GALNT17: variants seen among roughly 807,000 people sequenced by gnomAD.
GALNT17 encodes UDP-GalNAc:polypeptide N-acetylgalactosaminyltransferase-like 3.
GALNT17 carries 29 observed loss-of-function variants against 63.7 expected under a neutral mutation model. The observed-to-expected ratio is 0.46, with a 90% CI of 0.34 to 0.62. GALNT17 has a LOEUF of 0.62. Among genes scored for constraint, GALNT17 ranks in the 20% least tolerant of loss-of-function variants. The pLI is 0.01. For synonymous variants in GALNT17, 305 were observed against 318.3 expected (o/e 0.96, Z 0.45); for missense variants, 603 against 799.6 (o/e 0.75, Z 2.97).
chr7:71,377,114 A>AAAAAATATATATATATATATATATATAT, intron 2 of GALNT17, among the ~76,000 whole-genome samples: 3 of 57,466 alleles, frequency 5.2e-5, no homozygotes, highest in East Asian at 9.3e-4. Context: ...AAATAAAAAA[A>AAAAAATATATATATATATATATATATAT]ATATATATAT....
At chr7:71,597,104 C>A (rs1789897712) in intron 6 of GALNT17, among the ~76,000 whole-genome samples, 1 of 152,012 alleles carries the variant, frequency 6.6e-6, no homozygotes, top group African/African-American at 2.4e-5. Flanking sequence ...GTGGTGCGAT[C>A]TCAGCTCACT....
At chr7:71,356,427 G>T (rs1792286813) in intron 2 of GALNT17, among the ~76,000 whole-genome samples, 1 of 152,138 alleles carries the variant, frequency 6.6e-6, no homozygotes, top group South Asian at 2.1e-4. Flanking sequence ...AGTTCTACAG[G>T]CTATACAAGC....
chr7:71,410,452 G>A (rs545182222), intron 3 of GALNT17, among the ~76,000 whole-genome samples: 210 of 152,106 alleles, frequency 1.4e-3, no homozygotes, highest in Non-Finnish European at 8.4e-4. Context: ...CACCACGTTG[G>A]CCAGGCTGGT....
At chr7:71,622,821 G>T (rs1790316222) in intron 6 of GALNT17, among the ~76,000 whole-genome samples, 1 of 152,170 alleles carries the variant, frequency 6.6e-6, no homozygotes, top group Admixed American at 6.5e-5. Flanking sequence ...CAGGAAGTTG[G>T]CAATAGTGCT....
rs760932182 is a variant in GALNT17, at chr7:71,686,385, G to T, written c.1500+9079G>T. On this transcript the variant is annotated intron_variant, in intron 9 of 10. Coordinates refer to ENST00000333538, the MANE Select transcript of GALNT17 (RefSeq NM_022479.3). ...TCTGCCCACATATACTTTTTAAAAAGATTTATTTTGTTAGAGACAGCATCT... is the reference window on the plus strand; with the variant it reads ...TCTGCCCACATATACTTTTTAAAAATATTTATTTTGTTAGAGACAGCATCT... 5.7e-4 allele frequency among the ~76,000 whole-genome samples: 86 copies of T among 150,628 alleles called. 2 individuals carry two copies. The highest frequency in any genetic ancestry group is 2.8e-4 in the Non-Finnish European group (19 of 67,670).
At chr7:71,692,542 C>T (rs1318174006) in intron 9 of GALNT17, among the ~76,000 whole-genome samples, 1 of 151,934 alleles carries the variant, frequency 6.6e-6, no homozygotes, top group African/African-American at 2.4e-5. Context: ...TAGCCTCATC[C>T]CTGACTGCTT....
chr7:71,307,650 A>C (rs750269005), intron 1 of GALNT17: 5 of 152,738 alleles, frequency 3.3e-5, no homozygotes, highest in Non-Finnish European at 7.4e-5. Flanking sequence ...TGCTCCGTTA[A>C]GACCTGTCTC....
intron 3 of GALNT17, among the ~76,000 whole-genome samples, chr7:71,399,532 C>T (rs185466274): frequency 2.0e-5 from 3 of 152,224 alleles, no homozygotes; most frequent in African/African-American, 2.4e-5. Context: ...CTTGCATTTC[C>T]TCTGGCTTTG....
Position 71,335,579 on chromosome 7 carries a change from G to A in GALNT17, c.268G>A (p.Gly90Ser). The A allele has an allele frequency of 6.2e-7, 1 of 1,607,928 alleles. No individual in the cohort carries two copies. The highest frequency in any genetic ancestry group is 8.5e-7 in the Non-Finnish European group (1 of 1,177,562). Residue 90 changes from glycine (G) to serine (S), a missense_variant, in exon 2 of 11, where the codon GGT becomes AGT. Around this residue, in one of 3 missense-constraint regions of GALNT17, gnomAD observed 195 missense variants for 215.0 expected, o/e 0.91. Coordinates refer to ENST00000333538, the MANE Select transcript of GALNT17 (RefSeq NM_022479.3). ...GLSKSLGLIE[G>S]YGGRGKGGLP... is the part of the protein sequence containing the mutation. ...ATCCAAATCCCTTGGGCTCATTGAAGGTTATGGTGGGCGGGGTAAAGGGGG... is the reference window on the plus strand; with the variant it reads ...ATCCAAATCCCTTGGGCTCATTGAAAGTTATGGTGGGCGGGGTAAAGGGGG...
chr7:71,487,832 A>G (rs1047478099), intron 5 of GALNT17, among the ~76,000 whole-genome samples: 4 of 152,178 alleles, frequency 2.6e-5, no homozygotes, highest in Non-Finnish European at 5.9e-5. Flanking sequence ...GTACTGGCCT[A>G]GTTGTGAAAT....
At chr7:71,244,738 C>T (rs1270148810) in intron 1 of GALNT17, among the ~76,000 whole-genome samples, 1 of 152,060 alleles carries the variant, frequency 6.6e-6, no homozygotes, top group Admixed American at 6.6e-5. Flanking sequence ...CATTTAAGGC[C>T]AGGAACTGGA....
intron 1 of GALNT17, among the ~76,000 whole-genome samples, chr7:71,164,696 A>AGT (rs1339845624): frequency 3.3e-5 from 5 of 152,062 alleles, no homozygotes; most frequent in East Asian, 1.9e-4. Context: ...TAACCTGGTG[A>AGT]GTGTGTGTGT....
Position 71,603,088 on chromosome 7 carries a change from A to G in GALNT17, c.1080+31686A>G, listed in dbSNP as rs554034485. On this transcript the variant is annotated intron_variant, in intron 6 of 10. Coordinates refer to ENST00000333538, the MANE Select transcript of GALNT17 (RefSeq NM_022479.3). ...ACTATGCTAAGTGCATACACCAGGTACTATGCTAAGTGCATATACCAGATA... is the reference window on the plus strand; with the variant it reads ...ACTATGCTAAGTGCATACACCAGGTGCTATGCTAAGTGCATATACCAGATA... Among the ~76,000 whole-genome samples the G allele has an allele frequency of 1.7e-3, 262 of 152,206 alleles. 3 individuals carry two copies. The highest frequency in any genetic ancestry group is 6.1e-3 in the African/African-American group (253 of 41,506).
intron 5 of GALNT17, among the ~76,000 whole-genome samples, chr7:71,427,759 A>G (rs565745867): frequency 2.0e-5 from 3 of 152,094 alleles, no homozygotes; most frequent in Admixed American, 2.0e-4. Context: ...GCAAAGCTTC[A>G]TCTGTATTTA....
chr7:71,699,191 A>G (rs1791590344), intron 9 of GALNT17, among the ~76,000 whole-genome samples: 1 of 137,464 alleles, frequency 7.3e-6, no homozygotes, highest in Middle Eastern at 3.4e-3. Flanking sequence ...AAAAAAAAAA[A>G]AAAAATGACC....
intron 1 of GALNT17, among the ~76,000 whole-genome samples, chr7:71,247,537 A>T (rs766396907): frequency 1.3e-5 from 2 of 151,984 alleles, no homozygotes; most frequent in Non-Finnish European, 2.9e-5. Flanking sequence ...GCTCACTGCA[A>T]CCTCTGCCTC....
chr7:71,515,277 C>T (rs1327211654), intron 5 of GALNT17, among the ~76,000 whole-genome samples: 1 of 152,110 alleles, frequency 6.6e-6, no homozygotes, highest in South Asian at 2.1e-4. Context: ...ATTTCTGGGA[C>T]TACACATCTC....
At chr7:71,217,540 CT>C (rs201629933) in intron 1 of GALNT17, among the ~76,000 whole-genome samples, 1 of 151,470 alleles carries the variant, frequency 6.6e-6, no homozygotes, top group Admixed American at 6.6e-5. Flanking sequence ...TTCTGGTTTT[CT>C]TTTTTTTGTT....
At chr7:71,685,294 A>T (rs1192467410) in intron 9 of GALNT17, among the ~76,000 whole-genome samples, 1 of 152,096 alleles carries the variant, frequency 6.6e-6, no homozygotes, top group Non-Finnish European at 1.5e-5. Flanking sequence ...CAGAGTATGG[A>T]GATCCTCCGG....
Sources: allele counts gnomAD v4.1 joint callset (sites outside exome capture counted in the v4.1 genomes callset), GRCh38; gene constraint gnomAD v4.1.1; regional missense constraint gnomAD v4.1.1; transcripts MANE v1.5; gene names NCBI Gene and HGNC (gene_info 2026-07-23, HGNC 2026-07-21).